The following MC2R variants were observed in gnomAD, a reference collection of about 807,000 sequenced individuals.
MC2R encodes the protein adrenocorticotropic hormone receptor.
MC2R carries 9 observed loss-of-function variants against 9.8 expected under a neutral mutation model. The ratio of observed to expected loss-of-function variants is 0.92; its 90% CI spans 0.55 to 1.60. The LOEUF is 1.60. MC2R is among the 40% of genes most tolerant of loss of function. MC2R has a pLI of 0.00. For synonymous variants in MC2R, 185 were observed against 154.7 expected (o/e 1.20, Z -1.45); for missense variants, 370 against 389.0 (o/e 0.95, Z 0.41).
At chr18:13,901,925 TC>T (rs2045382284) in intron 1 of MC2R, among the ~76,000 whole-genome samples, 1 of 151,710 alleles carries the variant, frequency 6.6e-6, no homozygotes, top group Non-Finnish European at 1.5e-5. Context: ...CAAAGACACA[TC>T]AAAAAAAGAA....
chr18:13,892,732 GA>G (rs2045322823), intron 1 of MC2R, among the ~76,000 whole-genome samples: 1 of 149,552 alleles, frequency 6.7e-6, no homozygotes, highest in Non-Finnish European at 1.5e-5. Flanking sequence ...TGACAATAAA[GA>G]AAAAAAGAGA....
At chr18:13,914,469 C>T (rs375725663) in intron 1 of MC2R, among the ~76,000 whole-genome samples, 40 of 152,324 alleles carry the variant, frequency 2.6e-4, no homozygotes, top group Middle Eastern at 3.4e-3. Flanking sequence ...CTGTGACCAC[C>T]GCTTCACTCC....
At chr18:13,914,149 T>C (rs1782040098) in intron 1 of MC2R, among the ~76,000 whole-genome samples, 1 of 152,054 alleles carries the variant, frequency 6.6e-6, no homozygotes, top group African/African-American at 2.4e-5. Context: ...TGCCAGAGAT[T>C]CAGGATCCAC....
At chr18:13,900,300 G>A (rs543858895) in intron 1 of MC2R, among the ~76,000 whole-genome samples, 4 of 152,048 alleles carry the variant, frequency 2.6e-5, no homozygotes, top group South Asian at 4.1e-4. Flanking sequence ...AATCATATCA[G>A]CAGAAAATCA....
At chr18:13,886,598 G>A (rs1328214099) in intron 1 of MC2R, among the ~76,000 whole-genome samples, 9 of 152,178 alleles carry the variant, frequency 5.9e-5, no homozygotes, top group Non-Finnish European at 1.2e-4. Flanking sequence ...GTGGGATAAC[G>A]GTAAAGGTGC....
In MC2R at chr18:13,885,461, C is replaced by A. The variant is rs759689328; in HGVS notation, c.58G>T (p.Asp20Tyr). ...NINNTARNNS[D>Y]CPRVVLPEEI... ...TCCGGCAAAACCACACGAGGACAGT[C>A]GGAATTATTTCTTGCTGTGTTGTTG... The change falls in exon 2 of 2, where the codon GAC becomes TAC. Residue 20 changes from aspartate to tyrosine, a missense_variant. Asp to Tyr is a radical substitution (Grantham distance 160). Transcript: ENST00000327606. The A allele has an allele frequency of 9.9e-6, 16 of 1,614,036 alleles. No homozygotes were observed. The highest frequency in any genetic ancestry group is 1.3e-5 in the Non-Finnish European group (15 of 1,180,010).
chr18:13,914,002 A>C (rs929234518), intron 1 of MC2R, among the ~76,000 whole-genome samples: 5 of 152,156 alleles, frequency 3.3e-5, no homozygotes, highest in Non-Finnish European at 7.4e-5. Flanking sequence ...AAAATGTATT[A>C]GACACTAAGG....
intron 1 of MC2R, among the ~76,000 whole-genome samples, chr18:13,895,889 A>T (rs2045343389): frequency 6.6e-6 from 1 of 152,218 alleles, no homozygotes; most frequent in Admixed American, 6.5e-5. Context: ...AGTAGATCAG[A>T]TACCAGACTG....
At chr18:13,893,307 T>G (rs1431787890) in intron 1 of MC2R, among the ~76,000 whole-genome samples, 1 of 152,198 alleles carries the variant, frequency 6.6e-6, no homozygotes, top group Non-Finnish European at 1.5e-5. Context: ...TGGAAGAGTA[T>G]GAGTATTGAT....
chr18:13,888,936 T>G (rs1300186720), intron 1 of MC2R, among the ~76,000 whole-genome samples: 1 of 152,244 alleles, frequency 6.6e-6, no homozygotes, highest in African/African-American at 2.4e-5. Flanking sequence ...AGCCGTCTGC[T>G]GTCCTCTCCC....
intron 1 of MC2R, among the ~76,000 whole-genome samples, chr18:13,899,894 A>G (rs2149140187): frequency 6.6e-6 from 1 of 152,336 alleles, no homozygotes; most frequent in South Asian, 2.1e-4. Flanking sequence ...GATGTTAATG[A>G]GCAATAAGTA....
At chr18:13,893,975 T>C (rs2045331707) in intron 1 of MC2R, among the ~76,000 whole-genome samples, 1 of 152,196 alleles carries the variant, frequency 6.6e-6, no homozygotes, top group South Asian at 2.1e-4. Flanking sequence ...CCAACACCTC[T>C]TCATGAGGAG....
rs143207238 is a variant in MC2R at position 13,908,104 on chromosome 18, C to T, written c.-129+7384G>A. ...ACCATGTTTATTGCAGCATTATTCACGAAAGCCAAAATATGGACTCGACCT... is the reference window on the plus strand; with the variant it reads ...ACCATGTTTATTGCAGCATTATTCATGAAAGCCAAAATATGGACTCGACCT... On this transcript the variant is annotated intron_variant, in intron 1 of 1. Coordinates refer to ENST00000327606, the MANE Select transcript of MC2R (RefSeq NM_000529.2). Among the ~76,000 whole-genome samples, 186 of 152,166 alleles carry T rather than the reference C, an allele frequency of 1.2e-3. 4 individuals carry two copies. The Middle Eastern group carries it at 0.017, about 14-fold the overall frequency.
intron 1 of MC2R, among the ~76,000 whole-genome samples, chr18:13,900,242 AC>A (rs1283046944): frequency 6.6e-6 from 1 of 152,146 alleles, no homozygotes; most frequent in African/African-American, 2.4e-5. Flanking sequence ...GTAACCTCAA[AC>A]CAAAAAACAT....
Position 13,889,385 on chromosome 18 carries a change from C to G in MC2R, c.-128-3739G>C, listed in dbSNP as rs372792061. Among the ~76,000 whole-genome samples, 5 of 152,354 alleles carry G rather than the reference C, an allele frequency of 3.3e-5. No individual in the cohort carries two copies. In the East Asian group the frequency reaches 7.7e-4, roughly 23 times the overall value. On this transcript the variant is annotated intron_variant, in intron 1 of 1. Transcript: ENST00000327606. ...GACAAGTTTTTCATAGCTTTATAAT[C>G]TGTACCCAGAAAGAAACTTGGTTGA...
At chr18:13,893,287 A>T (rs556546931) in intron 1 of MC2R, among the ~76,000 whole-genome samples, 9 of 152,204 alleles carry the variant, frequency 5.9e-5, no homozygotes, top group African/African-American at 2.2e-4. Context: ...GGGTGGCGAG[A>T]TGGCTAATAT....
intron 1 of MC2R, among the ~76,000 whole-genome samples, chr18:13,901,457 T>C (rs992158445): frequency 6.6e-6 from 1 of 151,952 alleles, no homozygotes; most frequent in African/African-American, 2.4e-5. Flanking sequence ...AAAGAAATAG[T>C]TGATTTTTTG....
chr18:13,913,044 T>G (rs1168998169), intron 1 of MC2R, among the ~76,000 whole-genome samples: 4 of 152,150 alleles, frequency 2.6e-5, no homozygotes, highest in African/African-American at 9.7e-5. Flanking sequence ...GCTTACAGTA[T>G]AATTTCTTTT....
intron 1 of MC2R, among the ~76,000 whole-genome samples, chr18:13,903,203 TA>T (rs1385175893): frequency 2.0e-5 from 3 of 152,170 alleles, no homozygotes; most frequent in Non-Finnish European, 2.9e-5. Flanking sequence ...CAAATGCTGG[TA>T]AGGATGTGGA....
Sources: allele counts gnomAD v4.1 joint callset (sites outside exome capture counted in the v4.1 genomes callset), GRCh38; gene constraint gnomAD v4.1.1; transcripts MANE v1.5; gene names NCBI Gene and HGNC (gene_info 2026-07-23, HGNC 2026-07-21).